ATRNL1: variants seen among roughly 807,000 people sequenced by gnomAD.
ATRNL1 encodes attractin like 1.
ATRNL1 carries 95 observed loss-of-function variants against 182.7 expected under a neutral mutation model. The ratio of observed to expected loss-of-function variants is 0.52; its 90% CI spans 0.44 to 0.62. ATRNL1 has a LOEUF of 0.62. Ranked by LOEUF, ATRNL1 falls within the 20% of genes least tolerant of loss-of-function variation. ATRNL1 has a pLI of 0.00. For synonymous variants in ATRNL1, 576 were observed against 568.3 expected (o/e 1.01, Z -0.19); for missense variants, 1,471 against 1,679.5 (o/e 0.88, Z 2.17).
chr10:115,540,218 T>C (rs1487412005), intron 25 of ATRNL1, among the ~76,000 whole-genome samples: 1 of 152,050 alleles, frequency 6.6e-6, no homozygotes, highest in African/African-American at 2.4e-5. Flanking sequence ...CTGATCCTAA[T>C]TAACATTATC....
At chr10:115,576,552 T>C (rs1188878686) in intron 26 of ATRNL1, among the ~76,000 whole-genome samples, 1 of 152,048 alleles carries the variant, frequency 6.6e-6, no homozygotes, top group Admixed American at 6.6e-5. Context: ...AATGTCTATT[T>C]ACATTCTTTC....
chr10:115,751,502 T>C (rs1266337604), intron 27 of ATRNL1, among the ~76,000 whole-genome samples: 1 of 152,058 alleles, frequency 6.6e-6, no homozygotes, highest in Admixed American at 6.6e-5. Context: ...GTACAGCCTC[T>C]GTGGAGGAGA....
At chr10:115,316,356 C>G (rs1289192108) in intron 18 of ATRNL1, among the ~76,000 whole-genome samples, 1 of 152,148 alleles carries the variant, frequency 6.6e-6, no homozygotes, top group Non-Finnish European at 1.5e-5. Context: ...TCCAGTCTAT[C>G]ATTAATGGGC....
intron 26 of ATRNL1, among the ~76,000 whole-genome samples, chr10:115,642,241 C>T (rs184202595): frequency 4.4e-4 from 67 of 152,146 alleles, no homozygotes; most frequent in Non-Finnish European, 7.4e-4. Flanking sequence ...GAATGCAATT[C>T]CTAAAACTTC....
intron 24 of ATRNL1, among the ~76,000 whole-genome samples, chr10:115,501,126 GT>G (rs1221223124): frequency 4.0e-5 from 6 of 151,606 alleles, no homozygotes; most frequent in Admixed American, 1.3e-4. Flanking sequence ...TAGAGACAGG[GT>G]TTCACCATGT....
intron 13 of ATRNL1, among the ~76,000 whole-genome samples, chr10:115,272,185 C>T (rs1352430606): frequency 1.3e-5 from 2 of 152,162 alleles, no homozygotes; most frequent in Admixed American, 1.3e-4. Context: ...AACTAAACCT[C>T]GTTTCTTTAT....
At chr10:115,193,416 C>T (rs1848240361) in intron 8 of ATRNL1, among the ~76,000 whole-genome samples, 1 of 151,854 alleles carries the variant, frequency 6.6e-6, no homozygotes, top group African/African-American at 2.4e-5. Context: ...GTGTTATTGA[C>T]CTACTCAGGT....
intron 25 of ATRNL1, among the ~76,000 whole-genome samples, chr10:115,527,778 TTCCC>T (rs1239188518): frequency 1.2e-4 from 18 of 149,518 alleles, no homozygotes; most frequent in Admixed American, 2.7e-4. Context: ...TTTTCCTTCC[TTCCC>T]TCCCTCCCTC....
rs1288201131 is a variant in ATRNL1, at chr10:115,875,237, A to G, written c.4018+27246A>G. Among the ~76,000 whole-genome samples, 6 of 152,198 alleles carry G rather than the reference A, an allele frequency of 3.9e-5. No individual in the cohort carries two copies. The East Asian group carries it at 1.2e-3, about 29-fold the overall frequency. On this transcript the variant is annotated intron_variant, in intron 28 of 28. Coordinates refer to ENST00000355044, the MANE Select transcript of ATRNL1 (RefSeq NM_207303.4). ...AGTTTTTAATGTAAGTTGATTTGAG[A>G]GATCTTTTCTGGTTGAATACAGTTG...
chr10:115,446,684 G>A (rs1399808951), intron 21 of ATRNL1, among the ~76,000 whole-genome samples: 1 of 151,952 alleles, frequency 6.6e-6, no homozygotes, highest in African/African-American at 2.4e-5. Flanking sequence ...AAAAACATAT[G>A]CAATTGGAAT....
chr10:115,533,642 C>G lies in ATRNL1; in HGVS notation c.3716+14318C>G, dbSNP rs1479593280. Among the ~76,000 whole-genome samples the G allele has an allele frequency of 5.9e-5, 9 of 152,058 alleles. No individual in the cohort carries two copies. In the Middle Eastern group the frequency reaches 0.01, roughly 172 times the overall value. On this transcript the variant is annotated intron_variant, in intron 25 of 28. Coordinates refer to ENST00000355044, the MANE Select transcript of ATRNL1 (RefSeq NM_207303.4). ...GATTTTAGTTATTTCTTGCCTTCTGCTAGGTTTTGAATGTGTTTGCTCTTG... is the reference window on the plus strand; with the variant it reads ...GATTTTAGTTATTTCTTGCCTTCTGGTAGGTTTTGAATGTGTTTGCTCTTG...
intron 9 of ATRNL1, among the ~76,000 whole-genome samples, chr10:115,240,287 T>C (rs1554902530): frequency 6.6e-6 from 1 of 151,348 alleles, no homozygotes; most frequent in African/African-American, 2.4e-5. Context: ...AGTCTCACTC[T>C]GTTGCCCAGG....
chr10:115,166,903 ATTTAAT>A (rs1189243286), intron 7 of ATRNL1, among the ~76,000 whole-genome samples: 9 of 151,752 alleles, frequency 5.9e-5, no homozygotes, highest in African/African-American at 2.2e-4. Context: ...TTTTAGTTTA[ATTTAAT>A]TTTAATTTTA....
intron 5 of ATRNL1, among the ~76,000 whole-genome samples, chr10:115,132,037 C>G (rs782813656): frequency 3.3e-5 from 5 of 151,938 alleles, no homozygotes; most frequent in Non-Finnish European, 7.4e-5. Context: ...CCCATTAACA[C>G]GTCACTTACA....
intron 25 of ATRNL1, among the ~76,000 whole-genome samples, chr10:115,531,030 T>C (rs1343318403): frequency 1.3e-5 from 2 of 152,182 alleles, no homozygotes; most frequent in African/African-American, 4.8e-5. Context: ...TCTGTCATTA[T>C]TGGACATTTG....
At chr10:115,644,379 ACT>A (rs1237579944) in intron 26 of ATRNL1, among the ~76,000 whole-genome samples, 30 of 152,264 alleles carry the variant, frequency 2.0e-4, no homozygotes, top group African/African-American at 7.0e-4. Flanking sequence ...ACACTGCTGC[ACT>A]CTCACATTTA....
At chr10:115,734,178 TCTTA>T (rs1195731898) in intron 27 of ATRNL1, among the ~76,000 whole-genome samples, 1 of 121,880 alleles carries the variant, frequency 8.2e-6, no homozygotes, top group Non-Finnish European at 1.9e-5. Context: ...TATAACTCGA[TCTTA>T]CTTTATGAAA....
intron 25 of ATRNL1, among the ~76,000 whole-genome samples, chr10:115,536,744 A>T (rs1040330798): frequency 6.6e-6 from 1 of 152,334 alleles, no homozygotes; most frequent in Admixed American, 6.5e-5. Flanking sequence ...GTTCCTATTC[A>T]GCCATCTTGG....
chr10:115,641,222 T>C (rs1299257612), intron 26 of ATRNL1, among the ~76,000 whole-genome samples: 1 of 152,228 alleles, frequency 6.6e-6, no homozygotes, highest in Non-Finnish European at 1.5e-5. Flanking sequence ...TGTAACATTA[T>C]ATTAAAGCTT....
Sources: gnomAD v4.1 joint callset for allele counts (sites outside exome capture counted in the v4.1 genomes callset) on GRCh38, gnomAD v4.1.1 for gene constraint, MANE v1.5 for transcripts, NCBI Gene and HGNC (gene_info 2026-07-23, HGNC 2026-07-21) for gene names.